CALN1: variants seen among roughly 807,000 people sequenced by gnomAD.
CALN1 encodes calcium-binding protein 8.
Under a neutral mutation model 30.6 loss-of-function variants are expected in CALN1, and 17 were observed. The observed-to-expected ratio is 0.56, with a 90% CI of 0.38 to 0.83. The LOEUF (loss-of-function observed/expected upper bound fraction) is 0.83. Among genes scored for constraint, CALN1 ranks in the 40% least tolerant of loss-of-function variants. The probability of loss-of-function intolerance (pLI) is 0.00; values close to 1 mark genes in which losing one functional copy is unlikely to be tolerated. For synonymous variants in CALN1, 156 were observed against 131.4 expected (o/e 1.19, Z -1.28); for missense variants, 291 against 354.9 (o/e 0.82, Z 1.45).
chr7:72,131,894 C>T (rs552189788), intron 3 of CALN1, among the ~76,000 whole-genome samples: 1 of 152,290 alleles, frequency 6.6e-6, no homozygotes, highest in South Asian at 2.1e-4. Flanking sequence ...AGGAGTCTTT[C>T]CACTCCTGTG....
chr7:71,817,003 T>A (rs897577613), intron 5 of CALN1, among the ~76,000 whole-genome samples: 2 of 152,070 alleles, frequency 1.3e-5, no homozygotes, highest in Non-Finnish European at 2.9e-5. Flanking sequence ...GAGATCTGGG[T>A]CATGTTTTAG....
rs374067128 is a variant in CALN1, at chr7:71,812,917, T to TATCATC, written c.502-2431_502-2426dup. Among the ~76,000 whole-genome samples the TATCATC allele has an allele frequency of 2.0e-3, 282 of 138,106 alleles. 2 individuals carry two copies. Among genetic ancestry groups the TATCATC allele is most frequent in the African/African-American group, 5.2e-3 (196 of 37,708 alleles). 90.6% of individuals were successfully genotyped at this position (138,106 alleles called of 152,430 possible). A position where few individuals can be genotyped will look rare whatever the true frequency, so the allele number is the denominator to read the frequency against. On this transcript the variant is annotated intron_variant, in intron 5 of 6. Coordinates refer to ENST00000395275, the MANE Select transcript of CALN1 (RefSeq NM_031468.4). ...CACCACCATGTCCAGCTATTTTATT[T>TATCATC]ATCATCATCATCATTATTATTATTA...
chr7:72,324,150 G>T (rs1266009184), intron 2 of CALN1, among the ~76,000 whole-genome samples: 4 of 152,044 alleles, frequency 2.6e-5, no homozygotes, highest in African/African-American at 4.8e-5. Context: ...AATCACCACT[G>T]CCTCCCAGGC....
At chr7:72,017,451 G>A (rs1457720755) in intron 5 of CALN1, among the ~76,000 whole-genome samples, 4 of 152,154 alleles carry the variant, frequency 2.6e-5, no homozygotes, top group Admixed American at 6.5e-5. Context: ...TGGGGAACGA[G>A]TACCCTATGC....
intron 5 of CALN1, among the ~76,000 whole-genome samples, chr7:71,818,961 G>A (rs917110129): frequency 2.6e-5 from 4 of 151,798 alleles, no homozygotes; most frequent in Non-Finnish European, 5.9e-5. Flanking sequence ...GCCCGCCTCA[G>A]CCTCCCAAAG....
At chr7:71,820,336 T>C (rs1788516700) in intron 5 of CALN1, among the ~76,000 whole-genome samples, 1 of 152,212 alleles carries the variant, frequency 6.6e-6, no homozygotes, top group Non-Finnish European at 1.5e-5. Flanking sequence ...TGTCATCTTA[T>C]GTGTATTGAC....
rs866132451 is a variant in CALN1, at chr7:72,357,164, T to A, written c.119+46087A>T. Among the ~76,000 whole-genome samples, 55 of 152,114 alleles carry A rather than the reference T, an allele frequency of 3.6e-4. 2 individuals are homozygous for A. The highest frequency in any genetic ancestry group is 1.3e-3 in the African/African-American group (52 of 41,358). Reference sequence around the variant, plus strand: ...TGAATGCCAAGGAATACTTGCCAGATAGAATACAACTTGAACCAAAATGAA... The same window carrying A: ...TGAATGCCAAGGAATACTTGCCAGAAAGAATACAACTTGAACCAAAATGAA... On this transcript the variant is annotated intron_variant, in intron 2 of 6. Transcript: ENST00000395275.
intron 3 of CALN1, among the ~76,000 whole-genome samples, chr7:72,140,346 G>C (rs1436534576): frequency 5.7e-5 from 3 of 52,302 alleles, no homozygotes; most frequent in Non-Finnish European, 9.1e-5. Flanking sequence ...AAGGAAGGGA[G>C]GGAGGGAGGG....
chr7:72,425,471 G>A (rs952208881), intron 1 of CALN1, among the ~76,000 whole-genome samples: 3 of 152,146 alleles, frequency 2.0e-5, no homozygotes, highest in Admixed American at 6.5e-5. Flanking sequence ...CTGAGACCAC[G>A]CTCCCAATAA....
At chr7:72,475,941 C>CTCTTTT in the CALN1 span, among the ~76,000 whole-genome samples, 168 of 75,900 alleles carry the variant, frequency 2.2e-3, 6 homozygotes, top group African/African-American at 7.6e-3. Context: ...CTCTCTCTCT[C>CTCTTTT]TTTTTTTTTT....
In CALN1 at chr7:71,786,487, T is replaced by A. The variant is rs1317597965; in HGVS notation, c.*1288A>T. The A allele has an allele frequency of 6.6e-6, 1 of 152,218 alleles. No individual in the cohort carries two copies. Among genetic ancestry groups the A allele is most frequent in the African/African-American group, 2.4e-5 (1 of 41,454 alleles). 9.4% of individuals were successfully genotyped at this position (152,218 alleles called of 1,614,324 possible). ...GAAAACAGATCCTTGGATTCAGTTCTCTTCCCCAACGAAAAGTATTCTGCA... is the reference window on the plus strand; with the variant it reads ...GAAAACAGATCCTTGGATTCAGTTCACTTCCCCAACGAAAAGTATTCTGCA... On this transcript the variant is annotated 3_prime_UTR_variant, in exon 7 of 7. Coordinates refer to ENST00000395275, the MANE Select transcript of CALN1 (RefSeq NM_031468.4).
intron 3 of CALN1, among the ~76,000 whole-genome samples, chr7:72,106,730 GA>G (rs1807160424): frequency 5.2e-5 from 1 of 19,154 alleles, no homozygotes; most frequent in African/African-American, 2.3e-4. Context: ...GGGAGGGAGG[GA>G]GGAAGGGAGG....
At chr7:72,120,672 T>G (rs916977996) in intron 3 of CALN1, among the ~76,000 whole-genome samples, 4 of 152,182 alleles carry the variant, frequency 2.6e-5, no homozygotes, top group African/African-American at 9.7e-5. Context: ...CCCATGAATT[T>G]CAGGCACAGA....
chr7:72,019,394 C>T (rs1266792525), intron 5 of CALN1, among the ~76,000 whole-genome samples: 2 of 152,110 alleles, frequency 1.3e-5, no homozygotes, highest in Non-Finnish European at 1.5e-5. Context: ...TGGCATTCAC[C>T]GGGAGGCTGT....
chr7:71,887,702 G>GGT (rs1163121915), intron 5 of CALN1, among the ~76,000 whole-genome samples: 1 of 152,128 alleles, frequency 6.6e-6, no homozygotes, highest in Non-Finnish European at 1.5e-5. Flanking sequence ...AGGTCATCAA[G>GGT]GTGTGAATTG....
intron 5 of CALN1, among the ~76,000 whole-genome samples, chr7:72,005,623 T>C (rs1416784497): frequency 1.3e-5 from 2 of 152,138 alleles, no homozygotes; most frequent in Non-Finnish European, 2.9e-5. Context: ...GAGCCACCCA[T>C]GCCTGGCCCA....
chr7:72,029,775 T>C (rs1801321084), intron 4 of CALN1, among the ~76,000 whole-genome samples: 1 of 152,222 alleles, frequency 6.6e-6, no homozygotes, highest in Non-Finnish European at 1.5e-5. Context: ...ACCACTCCCA[T>C]TACCTTACGC....
At chr7:72,246,727 C>T (rs926777764) in intron 3 of CALN1, among the ~76,000 whole-genome samples, 2 of 150,642 alleles carry the variant, frequency 1.3e-5, no homozygotes, top group Non-Finnish European at 2.9e-5. Flanking sequence ...ACAGTTAGGC[C>T]AATGATCCTC....
intron 3 of CALN1, among the ~76,000 whole-genome samples, chr7:72,125,407 G>A (rs1007593919): frequency 1.3e-5 from 2 of 152,160 alleles, no homozygotes; most frequent in Admixed American, 1.3e-4. Context: ...GCAGGATATG[G>A]CAGTGAACAA....
Sources: gnomAD v4.1 joint callset for allele counts (sites outside exome capture counted in the v4.1 genomes callset) on GRCh38, gnomAD v4.1.1 for gene constraint, MANE v1.5 for transcripts, NCBI Gene and HGNC (gene_info 2026-07-23, HGNC 2026-07-21) for gene names.